The following TRARG1 variants were observed in gnomAD, a reference collection of about 807,000 sequenced individuals.
The protein encoded by TRARG1 is trafficking regulator of GLUT4 (SLC2A4) 1 (gene/pseudogene).
TRARG1 carries 16 observed loss-of-function variants against 13.3 expected under a neutral mutation model. The observed-to-expected ratio is 1.20, with a 90% CI of 0.81 to 1.83. The LOEUF (loss-of-function observed/expected upper bound fraction) is 1.83. Among genes scored for constraint, TRARG1 ranks in the 40% most tolerant of loss-of-function variants. TRARG1 has a pLI of 0.00. For synonymous variants in TRARG1, 113 were observed against 106.2 expected, an observed-to-expected ratio of 1.06 and a Z score of -0.39; for missense variants, 250 against 237.4, an observed-to-expected ratio of 1.05 and a Z score of -0.35.
rs1160586143 is a variant in TRARG1, at chr17:1,300,100, T to C, written c.*1836T>C. On this transcript the variant is annotated 3_prime_UTR_variant, in exon 3 of 3. Transcript: ENST00000333813. ...CAGAAGGGACTGGTTGGGTTTGCTTTATGGGATCTTTGAGACCAAAACAGA... is the reference window on the plus strand; with the variant it reads ...CAGAAGGGACTGGTTGGGTTTGCTTCATGGGATCTTTGAGACCAAAACAGA... The C allele has an allele frequency of 6.6e-6, 1 of 152,262 alleles. No individual in the cohort carries two copies. Among genetic ancestry groups the C allele is most frequent in the African/African-American group, 2.4e-5 (1 of 41,446 alleles). The allele number at this position is 152,262 out of a possible 1,614,324, so 9.4% of individuals were successfully genotyped here.
At chr17:1,283,862 C>T (rs1399499466) in intron 1 of TRARG1, among the ~76,000 whole-genome samples, 1 of 151,868 alleles carries the variant, frequency 6.6e-6, no homozygotes, top group Non-Finnish European at 1.5e-5. Context: ...CCTGTAATCC[C>T]AGCACTTTGG....
At chr17:1,280,499 A>T in intron 1 of TRARG1, 111 bp downstream of exon 1, 1 of 1,228,028 alleles carries the variant, frequency 8.1e-7, no homozygotes, top group Non-Finnish European at 1.1e-6. Context: ...GAGAGCTGGG[A>T]GTGGGGGGCT....
At chr17:1,282,434 G>A (rs1258806389) in intron 1 of TRARG1, among the ~76,000 whole-genome samples, 7 of 151,696 alleles carry the variant, frequency 4.6e-5, no homozygotes, top group Non-Finnish European at 5.9e-5. Flanking sequence ...GCAATGGTGC[G>A]ATCTCGGCTC....
rs531871652 is a variant in TRARG1 at position 1,299,346 on chromosome 17, C to T, written c.*1082C>T. On this transcript the variant is annotated 3_prime_UTR_variant, in exon 3 of 3. Transcript: ENST00000333813. ...AGGCTGTCAGGGGCGTTTGCGCCAC[C>T]TGCAAGGGCGTGGGTCAGAGAGTTT... 6.6e-6 allele frequency: 1 copy of T among 152,296 alleles called. No homozygotes were observed. Among genetic ancestry groups the T allele is most frequent in the Admixed American group, 6.5e-5 (1 of 15,286 alleles). The allele number at this position is 152,296 out of a possible 1,614,324, so 9.4% of individuals were successfully genotyped here. A position where few individuals can be genotyped will look rare whatever the true frequency, so the allele number is the denominator to read the frequency against.
At chr17:1,291,391 G>A (rs2072068349) in intron 1 of TRARG1, among the ~76,000 whole-genome samples, 1 of 152,064 alleles carries the variant, frequency 6.6e-6, no homozygotes, top group African/African-American at 2.4e-5. Flanking sequence ...GATTACAGGC[G>A]TGAGCCACCG....
intron 1 of TRARG1, among the ~76,000 whole-genome samples, chr17:1,281,779 C>T (rs1310896592): frequency 6.6e-6 from 1 of 152,024 alleles, no homozygotes; most frequent in African/African-American, 2.4e-5. Flanking sequence ...GGAAGCTACC[C>T]AAGGGCTCAG....
In TRARG1 at chr17:1,281,934, A is replaced by G. The variant is rs74992408; in HGVS notation, c.387+1546A>G. On this transcript the variant is annotated intron_variant, in intron 1 of 2. Transcript: ENST00000333813. ...TGAGTTTCTATATATACATATACAT[A>G]CATGTACATATATGCACATACATGT... Among the ~76,000 whole-genome samples, 376 of 152,082 alleles carry G rather than the reference A, an allele frequency of 2.5e-3. 1 individual carries two copies. Among genetic ancestry groups the G allele is most frequent in the African/African-American group, 8.5e-3 (354 of 41,452 alleles).
intron 1 of TRARG1, among the ~76,000 whole-genome samples, chr17:1,286,468 G>A (rs2072023100): frequency 1.3e-5 from 2 of 149,196 alleles, no homozygotes; most frequent in Non-Finnish European, 3.0e-5. Context: ...GGCCTGTGGG[G>A]TGATGTTATC....
intron 1 of TRARG1, among the ~76,000 whole-genome samples, chr17:1,291,493 G>A (rs2072069119): frequency 6.6e-6 from 1 of 152,154 alleles, no homozygotes; most frequent in Non-Finnish European, 1.5e-5. Context: ...CGTGTTTACC[G>A]CCCCTTCCGC....
intron 1 of TRARG1, among the ~76,000 whole-genome samples, chr17:1,295,120 G>A (rs2150812104): frequency 6.6e-6 from 1 of 152,334 alleles, no homozygotes; most frequent in South Asian, 2.1e-4. Context: ...TTGCGCTGGG[G>A]TCCGGGGGCA....
chr17:1,289,974 G>A (rs559256355), intron 1 of TRARG1, among the ~76,000 whole-genome samples: 3 of 151,970 alleles, frequency 2.0e-5, no homozygotes, highest in East Asian at 1.9e-4. Flanking sequence ...CCCCGGAATC[G>A]TCTGAATCAT....
At chr17:1,286,251 G>A (rs1010475216) in intron 1 of TRARG1, among the ~76,000 whole-genome samples, 2 of 152,208 alleles carry the variant, frequency 1.3e-5, no homozygotes, top group African/African-American at 4.8e-5. Flanking sequence ...CTAGGGGCCT[G>A]GTGGCAGCAG....
intron 1 of TRARG1, among the ~76,000 whole-genome samples, chr17:1,281,946 A>G (rs2071975466): frequency 6.6e-6 from 1 of 151,896 alleles, no homozygotes; most frequent in Non-Finnish European, 1.5e-5. Context: ...ATGTACATAT[A>G]TGCACATACA....
intron 1 of TRARG1, among the ~76,000 whole-genome samples, chr17:1,290,271 C>G (rs2072060541): frequency 1.3e-5 from 2 of 152,192 alleles, no homozygotes; most frequent in African/African-American, 4.8e-5. Context: ...AAAATCCCGA[C>G]TCCCTTATGT....
chr17:1,288,038 C>G (rs1243573462), intron 1 of TRARG1, among the ~76,000 whole-genome samples: 3 of 152,036 alleles, frequency 2.0e-5, no homozygotes, highest in African/African-American at 7.3e-5. Context: ...CTCAGCCTCT[C>G]TCTGTTGCCC....
At chr17:1,282,221 C>CATAT (rs1567928173) in intron 1 of TRARG1, among the ~76,000 whole-genome samples, 3 of 91,542 alleles carry the variant, frequency 3.3e-5, no homozygotes, top group African/African-American at 1.4e-4. Context: ...TACGTATACA[C>CATAT]GTGCGTATAT....
At position 1,281,921 on chromosome 17, in the gene TRARG1, T is replaced by C. The variant is rs150302642; in HGVS notation, c.387+1533T>C. Among the ~76,000 whole-genome samples the C allele has an allele frequency of 6.8e-3, 1,037 of 151,792 alleles. 13 individuals are homozygous for C. Among genetic ancestry groups the C allele is most frequent in the African/African-American group, 0.024 (977 of 41,438 alleles). The stretch of plus-strand genomic sequence containing the variant: ...GAACCTGCCCCAGTGAGTTTCTATA[T>C]ATACATATACATACATGTACATATA... On this transcript the variant is annotated intron_variant, in intron 1 of 2. Coordinates refer to ENST00000333813, the MANE Select transcript of TRARG1 (RefSeq NM_172367.3).
chr17:1,286,552 C>T (rs1287703281), intron 1 of TRARG1, among the ~76,000 whole-genome samples: 1 of 95,014 alleles, frequency 1.1e-5, no homozygotes, highest in East Asian at 3.5e-4. Context: ...TGGGTGTTGT[C>T]AGCCTGTGGG....
In TRARG1 at chr17:1,279,866, G is replaced by T. The variant is rs982280561; in HGVS notation, c.-136G>T. 12 of 1,015,718 alleles carry T rather than the reference G, an allele frequency of 1.2e-5. No homozygotes were observed. In the Admixed American group the frequency reaches 3.4e-4, roughly 29 times the overall value. 62.9% of individuals were successfully genotyped at this position (1,015,718 alleles called of 1,614,324 possible). On this transcript the variant is annotated 5_prime_UTR_variant, in exon 1 of 3. Transcript: ENST00000333813. Reference sequence around the variant, plus strand: ...AGCCCAACCCTTCCAGCACCCAGCCGGCCCTCCGTCTCCTGAGGGACGCCC... The same window carrying T: ...AGCCCAACCCTTCCAGCACCCAGCCTGCCCTCCGTCTCCTGAGGGACGCCC...
Sources: gnomAD v4.1 joint callset for allele counts (sites outside exome capture counted in the v4.1 genomes callset) on GRCh38, gnomAD v4.1.1 for gene constraint, MANE v1.5 for transcripts, NCBI Gene and HGNC (gene_info 2026-07-23, HGNC 2026-07-21) for gene names.